The following FBXL13 variants were observed in gnomAD, a reference collection of about 807,000 sequenced individuals.
FBXL13 encodes F-box and leucine-rich repeat protein 13.
A neutral mutation model predicts 83.6 loss-of-function variants in FBXL13; 67 were observed. The ratio of observed to expected loss-of-function variants is 0.80; its 90% CI spans 0.66 to 0.98. The LOEUF is 0.98. Among genes scored for constraint, FBXL13 ranks in the 50% least tolerant of loss-of-function variants. The pLI, the probability that FBXL13 is intolerant of heterozygous loss-of-function variation, is 0.00. For missense variants in FBXL13, 822 were observed against 866.5 expected (o/e 0.95, Z 0.64); for synonymous variants, 272 against 299.5 (o/e 0.91, Z 0.95).
intron 16 of FBXL13, among the ~76,000 whole-genome samples, chr7:102,860,714 C>T (rs1395890535): frequency 1.3e-5 from 2 of 151,948 alleles, no homozygotes; most frequent in Middle Eastern, 3.2e-3. Context: ...ACTTACTATA[C>T]GGCTGAGTCA....
At chr7:103,010,134 T>C (rs796858532) in intron 6 of FBXL13, among the ~76,000 whole-genome samples, 2 of 151,712 alleles carry the variant, frequency 1.3e-5, no homozygotes, top group African/African-American at 2.4e-5. Context: ...TGAACTCGAA[T>C]GGAGGGCATA....
exon 1 of FBXL13, chr7:103,074,533 T>C: frequency 1.2e-5 from 15 of 1,209,512 alleles, no homozygotes; most frequent in Non-Finnish European, 1.4e-5. Flanking sequence ...CCTGATCGCC[T>C]ACAAGTCCGA....
intron 6 of FBXL13, among the ~76,000 whole-genome samples, chr7:103,011,433 G>A (rs756342102): frequency 9.2e-5 from 14 of 151,976 alleles, no homozygotes; most frequent in Non-Finnish European, 1.8e-4. Flanking sequence ...TCAAGAGTTC[G>A]AGACCAGCCT....
At chr7:103,022,385 C>A (rs563132911) in intron 6 of FBXL13, among the ~76,000 whole-genome samples, 2 of 151,744 alleles carry the variant, frequency 1.3e-5, no homozygotes, top group East Asian at 3.9e-4. Flanking sequence ...ATGTAAATGA[C>A]GAGTTAATGC....
chr7:103,074,615 C>G (rs1799466139), upstream of FBXL13: 2 of 1,258,210 alleles, frequency 1.6e-6, no homozygotes, highest in Non-Finnish European at 2.1e-6. Flanking sequence ...CCTAGTCCCT[C>G]CTCCGGGAAG....
At chr7:102,920,171 G>A (rs1295004378) in intron 10 of FBXL13, among the ~76,000 whole-genome samples, 2 of 152,112 alleles carry the variant, frequency 1.3e-5, no homozygotes, top group African/African-American at 2.4e-5. Flanking sequence ...TTAGATAAAT[G>A]CCTGTTAAAG....
chr7:103,035,003 T>C (rs1465098752), intron 2 of FBXL13, among the ~76,000 whole-genome samples: 2 of 152,228 alleles, frequency 1.3e-5, no homozygotes, highest in Admixed American at 6.5e-5. Context: ...TGGTACTATT[T>C]TGGCAGGTAA....
At chr7:102,844,027 T>C (rs1297187753) in intron 17 of FBXL13, among the ~76,000 whole-genome samples, 3 of 152,108 alleles carry the variant, frequency 2.0e-5, no homozygotes, top group African/African-American at 7.2e-5. Flanking sequence ...GTAAACCAGC[T>C]TGTGAAGAAT....
chr7:103,062,927 T>C (rs1301405195), intron 1 of FBXL13, among the ~76,000 whole-genome samples: 3 of 152,228 alleles, frequency 2.0e-5, no homozygotes. Flanking sequence ...AAATATTTGC[T>C]GATAGAATGT....
At chr7:102,944,107 G>A in intron 8 of FBXL13, 1 of 871,868 alleles carries the variant, frequency 1.1e-6, no homozygotes. Context: ...ATTTTCAAAG[G>A]GGAAAATTAA....
At chr7:103,049,741 G>A (rs56165482) in intron 2 of FBXL13, among the ~76,000 whole-genome samples, 20,484 of 152,128 alleles carry the variant, frequency 0.13, 1,472 homozygotes, top group Middle Eastern at 0.2. Flanking sequence ...CTTTAATAAA[G>A]TCCTTTTAAA....
intron 17 of FBXL13, among the ~76,000 whole-genome samples, chr7:102,851,888 A>G (rs1805313958): frequency 6.6e-6 from 1 of 152,144 alleles, no homozygotes; most frequent in South Asian, 2.1e-4. Context: ...CACGCTCTTG[A>G]AGAATCAATT....
At chr7:103,001,895 A>G (rs929755574) in intron 6 of FBXL13, among the ~76,000 whole-genome samples, 1 of 152,114 alleles carries the variant, frequency 6.6e-6, no homozygotes, top group Non-Finnish European at 1.5e-5. Flanking sequence ...CAGCTTGCAG[A>G]TAGCCTATTG....
intron 2 of FBXL13, among the ~76,000 whole-genome samples, chr7:103,041,268 T>C (rs1795659782): frequency 6.6e-6 from 1 of 152,116 alleles, no homozygotes; most frequent in Non-Finnish European, 1.5e-5. Context: ...CTCCCAAGAC[T>C]AAATCAGGAA....
intron 8 of FBXL13, among the ~76,000 whole-genome samples, chr7:102,958,722 G>GA (rs766280105): frequency 6.6e-6 from 1 of 151,898 alleles, no homozygotes; most frequent in Non-Finnish European, 1.5e-5. Flanking sequence ...ATCCAAGAAT[G>GA]AATTTTTTTT....
intron 17 of FBXL13, among the ~76,000 whole-genome samples, chr7:102,833,949 C>T (rs1021411618): frequency 3.5e-5 from 5 of 144,422 alleles, no homozygotes; most frequent in African/African-American, 1.0e-4. Context: ...TATACAAGAA[C>T]AAAACAATCC....
At chr7:102,935,242 C>CTTTTTTTT (rs71106700) in intron 8 of FBXL13, among the ~76,000 whole-genome samples, 11 of 76,400 alleles carry the variant, frequency 1.4e-4, no homozygotes, top group East Asian at 4.1e-4. Flanking sequence ...TTTTTTCTTT[C>CTTTTTTTT]TTTTTTTTTT....
Position 102,962,030 on chromosome 7 carries a change from A to G in FBXL13, c.724+1503T>C, listed in dbSNP as rs1825297308. Among the ~76,000 whole-genome samples the G allele has an allele frequency of 1.3e-5, 2 of 150,876 alleles. 1 individual carries two copies. Among genetic ancestry groups the G allele is most frequent in the African/African-American group, 4.9e-5 (2 of 40,550 alleles). ...GAGCTTCTGCACAGCAAAAGAAACT[A>G]CCATCAGAGTGAACAGGCAACCTAC... On this transcript the variant is annotated intron_variant, in intron 8 of 19. Transcript: ENST00000313221.
intron 10 of FBXL13, among the ~76,000 whole-genome samples, chr7:102,924,120 C>T (rs1045604697): frequency 6.6e-6 from 1 of 151,866 alleles, no homozygotes; most frequent in African/African-American, 2.4e-5. Context: ...TGCCTCTAAT[C>T]CCAGCTACTT....
Sources: gnomAD v4.1 joint callset for allele counts (sites outside exome capture counted in the v4.1 genomes callset) on GRCh38, gnomAD v4.1.1 for gene constraint, MANE v1.5 for transcripts, NCBI Gene and HGNC (gene_info 2026-07-23, HGNC 2026-07-21) for gene names.